Variants in ARHGAP17 observed in about 807,000 individuals in gnomAD.
ARHGAP17 encodes rho GTPase-activating protein 17.
In ARHGAP17, 57 loss-of-function variants were observed where a neutral mutation model predicts 99.5. The observed-to-expected ratio is 0.57, with a 90% CI of 0.46 to 0.71. The LOEUF (loss-of-function observed/expected upper bound fraction) is 0.71, where lower values mean the gene tolerates loss of function less well. Ranked by LOEUF, ARHGAP17 falls within the 30% of genes least tolerant of loss-of-function variation. ARHGAP17 has a pLI of 0.00. For synonymous variants in ARHGAP17, 417 were observed against 429.6 expected, an observed-to-expected ratio of 0.97 and a Z score of 0.36; for missense variants, 1,000 against 1,122.4, an observed-to-expected ratio of 0.89 and a Z score of 1.56.
chr16:24,953,531 C>G (rs73555446), intron 10 of ARHGAP17, among the ~76,000 whole-genome samples: 3,792 of 151,936 alleles, frequency 0.025, 156 homozygotes, highest in African/African-American at 0.085. Flanking sequence ...AGCAACTCCC[C>G]CTTTGTGCGC....
At position 24,935,499 on chromosome 16, in the gene ARHGAP17, G is replaced by A. The variant is rs202079913; in HGVS notation, c.1865C>T (p.Ala622Val). 95 of 1,610,200 alleles carry A rather than the reference G, an allele frequency of 5.9e-5. No individual in the cohort carries two copies. The highest frequency in any genetic ancestry group is 1.2e-4 in the African/African-American group (9 of 75,012). The change falls in exon 18 of 20, where the codon GCA becomes GTA. Residue 622 changes from alanine (A) to valine (V), a missense_variant. Coordinates refer to ENST00000289968, the MANE Select transcript of ARHGAP17 (RefSeq NM_001006634.3). ...GCGCAGTGTATGCGGGCTGGGCCCT[G>A]CAGCATTGTGAGGTTGGCCCATGGA... ...QLSMGQPHNAAGPSPHTLRRA... is the reference protein window; with the variant it reads ...QLSMGQPHNAVGPSPHTLRRA...
chr16:24,978,596 C>A (rs1178407504), intron 2 of ARHGAP17, among the ~76,000 whole-genome samples: 1 of 152,122 alleles, frequency 6.6e-6, no homozygotes, highest in African/African-American at 2.4e-5. Flanking sequence ...TTACCACGTG[C>A]CAGGCTCCGT....
intron 7 of ARHGAP17, 93 bp downstream of exon 7, chr16:24,964,103 AG>A: frequency 1.3e-6 from 1 of 795,496 alleles, no homozygotes; most frequent in Middle Eastern, 2.6e-4. Flanking sequence ...ATATTCTGAT[AG>A]AAATTATTTA....
chr16:24,980,051 G>A (rs2052629700), intron 1 of ARHGAP17, among the ~76,000 whole-genome samples: 1 of 152,128 alleles, frequency 6.6e-6, no homozygotes, highest in African/African-American at 2.4e-5. Context: ...GTATGTTTCA[G>A]CTCTGAACAG....
Position 24,971,023 on chromosome 16 carries a change from GCAT to G in ARHGAP17, c.199-446_199-444del, listed in dbSNP as rs1329684140. Reference sequence around the variant, plus strand: ...CTGAAGTAGGTGGGATTACAGGCCTGCATCACCACGTCCAGCTAATTTTTGTAT... The same window carrying G: ...CTGAAGTAGGTGGGATTACAGGCCTGCACCACGTCCAGCTAATTTTTGTAT... On this transcript the variant is annotated intron_variant, in intron 3 of 19. Transcript: ENST00000289968. Among the ~76,000 whole-genome samples, 3 of 152,074 alleles carry G rather than the reference GCAT, an allele frequency of 2.0e-5. No individual in the cohort carries two copies. In the East Asian group the frequency reaches 5.8e-4, roughly 29 times the overall value.
chr16:24,964,519 A>C (rs1461091410), intron 6 of ARHGAP17, among the ~76,000 whole-genome samples: 1 of 152,212 alleles, frequency 6.6e-6, no homozygotes, highest in Admixed American at 6.5e-5. Context: ...CAGGACTCTC[A>C]TAGTGCTAGG....
chr16:24,982,835 CTT>C (rs1158754997), intron 1 of ARHGAP17, among the ~76,000 whole-genome samples: 2 of 140,216 alleles, frequency 1.4e-5, no homozygotes, highest in Non-Finnish European at 3.0e-5. Flanking sequence ...GAAGTGTTAT[CTT>C]TGGTTGAGTT....
At position 24,920,557 on chromosome 16, in the gene ARHGAP17, C is replaced by T. The variant is rs949103581; in HGVS notation, c.2516-297G>A. On this transcript the variant is annotated intron_variant, in intron 19 of 19. Coordinates refer to ENST00000289968, the MANE Select transcript of ARHGAP17 (RefSeq NM_001006634.3). ...GCTTGCTTTGATGGAGGAAAGGAAG[C>T]CTCATTCTTCCCAAGACCTCTAATG... The T allele has an allele frequency of 1.6e-4, 49 of 314,128 alleles. No individual in the cohort carries two copies. In the Admixed American group the frequency reaches 1.8e-3, roughly 12 times the overall value. 19.5% of individuals were successfully genotyped at this position (314,128 alleles called of 1,614,324 possible). A position where few individuals can be genotyped will look rare whatever the true frequency, so the allele number is the denominator to read the frequency against.
chr16:24,999,320 T>G (rs181408747), intron 1 of ARHGAP17, among the ~76,000 whole-genome samples: 3 of 152,230 alleles, frequency 2.0e-5, no homozygotes, highest in Non-Finnish European at 4.4e-5. Flanking sequence ...TTTTTTCCAA[T>G]TAGTCATCGT....
At chr16:24,993,034 C>T (rs370994782) in intron 1 of ARHGAP17, among the ~76,000 whole-genome samples, 1 of 152,194 alleles carries the variant, frequency 6.6e-6, no homozygotes, top group East Asian at 1.9e-4. Flanking sequence ...CTCCTCGCCG[C>T]AAGTGATCCT....
chr16:24,955,649 T>A lies in ARHGAP17; in HGVS notation c.725-919A>T, dbSNP rs991467315. On this transcript the variant is annotated intron_variant, in intron 9 of 19. Coordinates refer to ENST00000289968, the MANE Select transcript of ARHGAP17 (RefSeq NM_001006634.3). This position sits in a 1 kb window ranked among gnomAD's most constrained non-coding sequence, Gnocchi z 4.0. ...AAATCTTTCCAACAACAGGAAGGGT[T>A]CATGTCCTTCTCTGCACCTTTACTG... 1.3e-5 allele frequency: 2 copies of A among 152,238 alleles called. No homozygotes were observed. The highest frequency in any genetic ancestry group is 2.9e-5 in the Non-Finnish European group (2 of 68,068). The allele number at this position is 152,238 out of a possible 1,614,324, so 9.4% of individuals were successfully genotyped here.
At chr16:24,990,201 T>A (rs957148083) in intron 1 of ARHGAP17, among the ~76,000 whole-genome samples, 2 of 152,230 alleles carry the variant, frequency 1.3e-5, no homozygotes, top group African/African-American at 2.4e-5. Flanking sequence ...ATATATCTCA[T>A]AGGTTGGGCA....
intron 19 of ARHGAP17, among the ~76,000 whole-genome samples, chr16:24,922,507 T>G (rs1368889335): frequency 6.6e-6 from 1 of 152,196 alleles, no homozygotes; most frequent in Non-Finnish European, 1.5e-5. Flanking sequence ...TCCCTTACTC[T>G]GCCGCCCACC....
intron 9 of ARHGAP17, among the ~76,000 whole-genome samples, chr16:24,958,184 CAG>C: frequency 6.6e-6 from 1 of 152,084 alleles, no homozygotes; most frequent in African/African-American, 2.4e-5. Context: ...GGGAAAAAAA[CAG>C]AATGAGAGTT....
At chr16:25,000,013 G>A (rs933016474) in intron 1 of ARHGAP17, among the ~76,000 whole-genome samples, 2 of 152,036 alleles carry the variant, frequency 1.3e-5, no homozygotes, top group African/African-American at 2.4e-5. Flanking sequence ...ATCAGGAGCC[G>A]TTTCTCACGT....
chr16:24,978,942 T>C (rs576663794), intron 2 of ARHGAP17, 24 bp downstream of exon 2: 7 of 1,567,800 alleles, frequency 4.5e-6, no homozygotes, highest in South Asian at 3.6e-5. Flanking sequence ...AACAGATCAT[T>C]TAAAGGAGAC....
intron 1 of ARHGAP17, among the ~76,000 whole-genome samples, chr16:25,014,603 G>A (rs1405763441): frequency 2.0e-5 from 3 of 152,250 alleles, no homozygotes; most frequent in Non-Finnish European, 2.9e-5. Context: ...GGCAGCAGCA[G>A]TCCAGTTCCT....
At chr16:25,003,816 C>T (rs2053436551) in intron 1 of ARHGAP17, among the ~76,000 whole-genome samples, 2 of 136,466 alleles carry the variant, frequency 1.5e-5, no homozygotes, top group Admixed American at 1.5e-4. Flanking sequence ...GAGCAAGAAT[C>T]CATCTCAAAA....
chr16:25,001,614 G>A (rs1455014329), intron 1 of ARHGAP17, among the ~76,000 whole-genome samples: 1 of 152,118 alleles, frequency 6.6e-6, no homozygotes, highest in Non-Finnish European at 1.5e-5. Flanking sequence ...GAGTGCAGTG[G>A]CAGGACCACA....
Sources: gnomAD v4.1 joint callset for allele counts (sites outside exome capture counted in the v4.1 genomes callset) on GRCh38, gnomAD v4.1.1 for gene constraint, Gnocchi (gnomAD v3.1) non-coding constraint, MANE v1.5 for transcripts, NCBI Gene and HGNC (gene_info 2026-07-23, HGNC 2026-07-21) for gene names.